Variants in TYK2 observed in about 807,000 individuals in gnomAD.
The protein encoded by TYK2 is tyrosine kinase 2.
Under a neutral mutation model 130.9 loss-of-function variants are expected in TYK2, and 65 were observed. The observed-to-expected ratio is 0.50, with a 90% confidence interval of 0.41 to 0.61. TYK2 has a LOEUF of 0.61. Among genes scored for constraint, TYK2 ranks in the 20% least tolerant of loss-of-function variants. The pLI, the probability that TYK2 is intolerant of heterozygous loss-of-function variation, is 0.00. For synonymous variants in TYK2, 647 were observed against 658.9 expected, an observed-to-expected ratio of 0.98 and a Z score of 0.28; for missense variants, 1,378 against 1,610.7, an observed-to-expected ratio of 0.86 and a Z score of 2.47.
rs280518 is a variant in TYK2 at position 10,361,959 on chromosome 19, C to T, written c.1774-4G>A. The stretch of plus-strand genomic sequence containing the variant: ...TGCCCTGGCCCAAGTGGGACAGCTG[C>T]GGGATCATGTGGCACAGAATACCGC... On this transcript the variant is annotated splice_polypyrimidine_tract_variant and splice_region_variant and intron_variant, in intron 12 of 24. Coordinates refer to ENST00000525621, the MANE Select transcript of TYK2 (RefSeq NM_003331.5). This position sits in a 1 kb window ranked among gnomAD's most constrained non-coding sequence, Gnocchi z 4.0. 3.0e-5 allele frequency: 48 copies of T among 1,613,826 alleles called. No homozygotes were observed. Among genetic ancestry groups the T allele is most frequent in the South Asian group, 4.4e-5 (4 of 91,084 alleles).
Position 10,372,458 on chromosome 19 carries a change from C to CTATATATATATA in TYK2, c.194-4052_194-4041dup, listed in dbSNP as rs569826524. Among the ~76,000 whole-genome samples the CTATATATATATA allele has an allele frequency of 4.8e-4, 22 of 45,964 alleles. 1 individual carries two copies. Among genetic ancestry groups the CTATATATATATA allele is most frequent in the South Asian group, 2.2e-3 (3 of 1,354 alleles). 30.2% of individuals were successfully genotyped at this position (45,964 alleles called of 152,430 possible). On this transcript the variant is annotated intron_variant, in intron 3 of 24. Transcript: ENST00000525621. ...TACAGGAACACGCCACCACACACAGCTATATATATATATATATATATATAT... is the reference window on the plus strand; with the variant it reads ...TACAGGAACACGCCACCACACACAGCTATATATATATATATATATATATATATATATATATAT...
intron 6 of TYK2, among the ~76,000 whole-genome samples, chr19:10,366,150 T>A (rs2041654010): frequency 6.6e-6 from 1 of 151,846 alleles, no homozygotes; most frequent in African/African-American, 2.4e-5. Context: ...CTACTAAAAA[T>A]ACAAAAATTA....
chr19:10,365,489 C>T (rs2041615658), intron 7 of TYK2, 28 bp downstream of exon 7: 8 of 1,612,794 alleles, frequency 5.0e-6, no homozygotes, highest in African/African-American at 4.0e-5. Context: ...AACCTGAACC[C>T]CCAGGGCGGA....
chr19:10,358,028 C>T lies in TYK2; in HGVS notation c.2286G>A (p.Val762=), dbSNP rs778089592. The change falls in exon 16 of 25, where the codon GTG becomes GTA. Residue 762 remains valine (V), a synonymous_variant. Transcript: ENST00000525621. ...CCTCCCTGGAGAGGGCGCCCAGGCC[C>T]ACGCCAGGATCACTCAGCTTGATGA... ...SPFIKLSDPG[V]GLGALSREER... 10 of 1,613,366 alleles carry T rather than the reference C, an allele frequency of 6.2e-6. No individual in the cohort carries two copies. The African/African-American group carries it at 1.3e-4, about 22-fold the overall frequency.
Position 10,353,872 on chromosome 19 carries a change from A to T in TYK2, c.2908+170T>A, listed in dbSNP as rs1043553040. 16 of 781,578 alleles carry T rather than the reference A, an allele frequency of 2.0e-5. No homozygotes were observed. The highest frequency in any genetic ancestry group is 3.1e-5 in the Non-Finnish European group (15 of 481,046). 48.4% of individuals were successfully genotyped at this position (781,578 alleles called of 1,614,324 possible). A position where few individuals can be genotyped will look rare whatever the true frequency, so the allele number is the denominator to read the frequency against. On this transcript the variant is annotated intron_variant, in intron 20 of 24. Transcript: ENST00000525621. This position sits in a 1 kb window ranked among gnomAD's most constrained non-coding sequence, Gnocchi z 6.9. ...GGCCCCAGCAGGTAGCACCCCCCAG[A>T]TGGGAAGGAGGCAGCCCAGCCACGC...
At chr19:10,368,007 C>T (rs12720253) in intron 5 of TYK2, 48 bp downstream of exon 5, 1 of 1,610,516 alleles carries the variant, frequency 6.2e-7, no homozygotes, top group Non-Finnish European at 8.5e-7. Flanking sequence ...TCCTCAACTG[C>T]CCCTAAGTCT....
intron 2 of TYK2, among the ~76,000 whole-genome samples, chr19:10,379,337 T>C (rs2042287305): frequency 6.7e-6 from 1 of 149,414 alleles, no homozygotes; most frequent in Admixed American, 6.7e-5. Flanking sequence ...TCTAAAAATA[T>C]AAATAAATAA....
chr19:10,372,047 G>A (rs1324345742), intron 3 of TYK2, among the ~76,000 whole-genome samples: 1 of 151,934 alleles, frequency 6.6e-6, no homozygotes, highest in Non-Finnish European at 1.5e-5. Flanking sequence ...CTGGAGTGTG[G>A]TGGCTCAATC....
At chr19:10,375,415 C>T (rs990956941) in intron 3 of TYK2, among the ~76,000 whole-genome samples, 1 of 149,816 alleles carries the variant, frequency 6.7e-6, no homozygotes, top group Non-Finnish European at 1.5e-5. Context: ...GTCAGAAGTT[C>T]GAGACCAGCC....
chr19:10,377,579 G>GATGA (rs2042186616), intron 3 of TYK2, among the ~76,000 whole-genome samples: 5 of 85,260 alleles, frequency 5.9e-5, no homozygotes, highest in Non-Finnish European at 7.3e-5. Context: ...TGGGTGGGTG[G>GATGA]ATGGATGGAT....
chr19:10,357,810 A>G lies in TYK2; in HGVS notation c.2420T>C (p.Ile807Thr). ...KWGFGATLLE[I>T]CFDGEAPLQS... ...CAGAGGGGCCTCTCCGTCAAAGCAG[A>G]TCTCCAGGAGGGTGGCGCCAAACCC... The change falls in exon 17 of 25, where the codon ATC (isoleucine) becomes ACC (threonine). Residue 807 changes from isoleucine (I) to threonine (T), a missense_variant. Ile to Thr is a moderately conservative substitution (Grantham distance 89). Transcript: ENST00000525621. The G allele has an allele frequency of 6.2e-7, 1 of 1,613,478 alleles. No individual in the cohort carries two copies. The highest frequency in any genetic ancestry group is 8.5e-7 in the Non-Finnish European group (1 of 1,179,912).
rs2041766361 is a variant in TYK2 at position 10,368,448 on chromosome 19, T to A, written c.194-30A>T. The stretch of plus-strand genomic sequence containing the variant: ...ATCAGGTGAGAAACGAGGTCAGGAG[T>A]CACGTCATTTGCTACCGTCAGCCCC... On this transcript the variant is annotated intron_variant, in intron 3 of 24. Transcript: ENST00000525621. The A allele has an allele frequency of 1.9e-6, 3 of 1,613,102 alleles. No individual in the cohort carries two copies. The East Asian group carries it at 6.7e-5, about 36-fold the overall frequency.
intron 7 of TYK2, 117 bp downstream of exon 7, chr19:10,365,400 A>G: frequency 1.3e-6 from 2 of 1,495,744 alleles, no homozygotes; most frequent in Non-Finnish European, 1.8e-6. Flanking sequence ...GGTGCCCCAG[A>G]GCCATGTGGG....
chr19:10,379,094 G>A (rs2042277679), intron 2 of TYK2, among the ~76,000 whole-genome samples: 1 of 151,956 alleles, frequency 6.6e-6, no homozygotes, highest in African/African-American at 2.4e-5. Flanking sequence ...TCTGACCTCA[G>A]GTGATCCACC....
intron 23 of TYK2, among the ~76,000 whole-genome samples, chr19:10,352,012 A>T (rs1041485242): frequency 1.3e-5 from 2 of 150,968 alleles, no homozygotes; most frequent in African/African-American, 4.9e-5. Flanking sequence ...TGCTGCGATT[A>T]CAGGTGTCAG....
Position 10,352,870 on chromosome 19 carries a change from C to T in TYK2, c.3200+56G>A, listed in dbSNP as rs377181496. On this transcript the variant is annotated intron_variant, in intron 22 of 24. Coordinates refer to ENST00000525621, the MANE Select transcript of TYK2 (RefSeq NM_003331.5). ...TGATACCCAGCATCCGTCTACTCCA[C>T]CCTGCCTGTTCCAAGTGACCCCAGC... 59 of 1,535,034 alleles carry T rather than the reference C, an allele frequency of 3.8e-5. No individual in the cohort carries two copies. The Middle Eastern group carries it at 9.6e-4, about 25-fold the overall frequency.
chr19:10,355,800 A>G (rs1244280644), intron 18 of TYK2, among the ~76,000 whole-genome samples: 1 of 150,868 alleles, frequency 6.6e-6, no homozygotes, highest in South Asian at 2.1e-4. Flanking sequence ...CGTCTCTACT[A>G]AAAATACAAA....
In TYK2 at chr19:10,362,539, C is replaced by G; in HGVS notation, c.1476+10G>C. 6.4e-7 allele frequency: 1 copy of G among 1,554,990 alleles called. No individual in the cohort carries two copies. Among genetic ancestry groups the G allele is most frequent in the Non-Finnish European group, 8.7e-7 (1 of 1,148,888 alleles). ...CCAGCCCCAGCCCCAGCCCCCAGCC[C>G]TGGGCTCACCTGGCTACGCTGGGCC... On this transcript the variant is annotated intron_variant, in intron 10 of 24. Coordinates refer to ENST00000525621, the MANE Select transcript of TYK2 (RefSeq NM_003331.5).
Position 10,351,044 on chromosome 19 carries a change from A to C in TYK2, c.3429+8T>G. 6.2e-7 allele frequency: 1 copy of C among 1,614,140 alleles called. No individual in the cohort carries two copies. On this transcript the variant is annotated splice_region_variant and intron_variant, in intron 24 of 24. Transcript: ENST00000525621. ...AGTGGGGTCAGGGAAAGACAAAGGA[A>C]GTCTCACCTCACAGGGACATTTGTC... is the stretch of plus-strand genomic sequence containing the variant.
Sources: gnomAD v4.1 joint callset for allele counts (sites outside exome capture counted in the v4.1 genomes callset) on GRCh38, gnomAD v4.1.1 for gene constraint, Gnocchi (gnomAD v3.1) non-coding constraint, MANE v1.5 for transcripts, NCBI Gene and HGNC (gene_info 2026-07-23, HGNC 2026-07-21) for gene names.